The following LPAR6 variants were observed in gnomAD, a reference collection of about 807,000 sequenced individuals.
LPAR6 encodes the protein G-protein coupled purinergic receptor P2Y5.
Under a neutral mutation model 22.0 loss-of-function variants are expected in LPAR6, and 17 were observed. The observed-to-expected ratio is 0.77, with a 90% CI of 0.53 to 1.16. The LOEUF (loss-of-function observed/expected upper bound fraction) is 1.16, where lower values mean the gene tolerates loss of function less well. Ranked by LOEUF, LPAR6 falls within the 50% of genes most tolerant of loss-of-function variation. The probability of loss-of-function intolerance (pLI) is 0.00; values close to 1 mark genes in which losing one functional copy is unlikely to be tolerated. For missense variants in LPAR6, 384 were observed against 406.9 expected (o/e 0.94, Z 0.48); for synonymous variants, 136 against 139.8 (o/e 0.97, Z 0.19).
At chr13:48,408,681 A>G (rs1407333805), downstream of LPAR6, 2 of 152,142 alleles carry the variant, frequency 1.3e-5, no homozygotes, top group African/African-American at 2.4e-5. Flanking sequence ...CTTTTTTTCC[A>G]TAGTTCTAGA....
At chr13:48,439,652 A>G (rs983808622) in intron 1 of LPAR6, 1 of 152,146 alleles carries the variant, frequency 6.6e-6, no homozygotes, top group African/African-American at 2.4e-5. Context: ...AGAGAAACAA[A>G]AGTCTTCTGT....
chr13:48,408,280 T>C (rs944665228), downstream of LPAR6, among the ~76,000 whole-genome samples: 2 of 151,886 alleles, frequency 1.3e-5, no homozygotes, highest in Non-Finnish European at 2.9e-5. Context: ...AATACATATA[T>C]TTTTATGCTT....
intron 1 of LPAR6, among the ~76,000 whole-genome samples, chr13:48,392,402 C>T (rs1040549732): frequency 2.0e-5 from 3 of 152,192 alleles, no homozygotes; most frequent in Non-Finnish European, 4.4e-5. Flanking sequence ...TGAGCCACCA[C>T]GCCTGGCCTT....
intron 1 of LPAR6, among the ~76,000 whole-genome samples, chr13:48,392,108 G>T (rs979759928): frequency 6.6e-6 from 1 of 151,504 alleles, no homozygotes; most frequent in Admixed American, 6.6e-5. Context: ...GGTTTGCCTT[G>T]TTTCTTTTTT....
At chr13:48,408,545 A>G (rs1014302326), downstream of LPAR6, 4 of 152,174 alleles carry the variant, frequency 2.6e-5, no homozygotes, top group Non-Finnish European at 4.4e-5. Context: ...AAGTAAAATC[A>G]TCAGAGTTCT....
chr13:48,407,816 G>A (rs1420450761), downstream of LPAR6, among the ~76,000 whole-genome samples: 2 of 152,100 alleles, frequency 1.3e-5, no homozygotes, highest in Non-Finnish European at 2.9e-5. Flanking sequence ...CCTAAGCACT[G>A]TTTATAAAAT....
intron 1 of LPAR6, among the ~76,000 whole-genome samples, chr13:48,434,758 C>G (rs991300306): frequency 6.6e-6 from 1 of 152,204 alleles, no homozygotes; most frequent in Admixed American, 6.5e-5. Flanking sequence ...AACACCTGGC[C>G]ACTGCTAATC....
chr13:48,398,394 C>T (rs1336666179), intron 1 of LPAR6, among the ~76,000 whole-genome samples: 1 of 152,082 alleles, frequency 6.6e-6, no homozygotes, highest in Non-Finnish European at 1.5e-5. Context: ...AATTATTTAG[C>T]TTGTTCTAAA....
At chr13:48,402,556 C>A (rs1327348839) in intron 1 of LPAR6, among the ~76,000 whole-genome samples, 1 of 151,348 alleles carries the variant, frequency 6.6e-6, no homozygotes, top group East Asian at 1.9e-4. Flanking sequence ...TTTTTTTATT[C>A]TTTGTAGAGA....
At chr13:48,410,056 T>G (rs527467763), downstream of LPAR6, among the ~76,000 whole-genome samples, 11 of 152,326 alleles carry the variant, frequency 7.2e-5, no homozygotes, top group South Asian at 2.3e-3. Context: ...AGGAACTGTG[T>G]CCTTAATTAA....
chr13:48,409,350 C>G (rs1027336940), downstream of LPAR6, among the ~76,000 whole-genome samples: 1 of 151,710 alleles, frequency 6.6e-6, no homozygotes, highest in Non-Finnish European at 1.5e-5. Context: ...GTTTACCTGT[C>G]TAGCAAATGA....
At chr13:48,420,121 C>T (rs543577067) in intron 2 of LPAR6, among the ~76,000 whole-genome samples, 8 of 152,198 alleles carry the variant, frequency 5.3e-5, no homozygotes, top group East Asian at 3.9e-4. Context: ...TGATGAATAT[C>T]GACGTGAAAA....
intron 2 of LPAR6, among the ~76,000 whole-genome samples, chr13:48,421,111 T>C (rs926535075): frequency 5.3e-5 from 8 of 152,194 alleles, no homozygotes; most frequent in African/African-American, 1.9e-4. Context: ...GCTGGAGGCA[T>C]CATGCTACCT....
At chr13:48,440,793 A>G (rs2138305240) in intron 1 of LPAR6, among the ~76,000 whole-genome samples, 1 of 152,338 alleles carries the variant, frequency 6.6e-6, no homozygotes, top group East Asian at 1.9e-4. Flanking sequence ...TGTATTCATA[A>G]TAAATAGAAA....
At chr13:48,438,254 T>TATCTA (rs1171329686) in intron 1 of LPAR6, among the ~76,000 whole-genome samples, 3 of 152,186 alleles carry the variant, frequency 2.0e-5, no homozygotes, top group Non-Finnish European at 4.4e-5. Flanking sequence ...TTATCTAACT[T>TATCTA]AGTTGTCAAA....
chr13:48,430,945 A>T (rs113279432), upstream of LPAR6, among the ~76,000 whole-genome samples: 1 of 152,168 alleles, frequency 6.6e-6, no homozygotes, highest in African/African-American at 2.4e-5. Context: ...TATATTTAAA[A>T]ATAGCAGTAG....
rs4151577 is a variant in LPAR6, at chr13:48,442,326, G to A, written c.-1474+2227C>T. Among the ~76,000 whole-genome samples the A allele has an allele frequency of 8.3e-3, 1,265 of 151,948 alleles. 15 individuals carry two copies. Among genetic ancestry groups the A allele is most frequent in the African/African-American group, 0.029 (1,221 of 41,404 alleles). ...CGCCATTCTCCTTCCTCAGCCTCCC[G>A]AGTAGCTGGGACTACAGGCGCATGC... On this transcript the variant is annotated intron_variant, in intron 1 of 6. Coordinates refer to the LPAR6 transcript ENST00000378434.
chr13:48,426,218 C>T (rs1441727058), intron 1 of LPAR6, among the ~76,000 whole-genome samples: 1 of 152,064 alleles, frequency 6.6e-6, no homozygotes, highest in Non-Finnish European at 1.5e-5. Context: ...GAATGTAAAC[C>T]TCTAAAAAGA....
chr13:48,392,838 T>A lies in LPAR6; in HGVS notation n.115-3026A>T, dbSNP rs535099016. ...TTTTTTTGTTAGGTGCCAGATATCA[T>A]GAATTTTGCTTTAGTGGGTCCTGGA... On this transcript the variant is annotated intron_variant and non_coding_transcript_variant, in intron 1 of 1. Coordinates refer to the LPAR6 transcript ENST00000462781. Among the ~76,000 whole-genome samples, 5 of 152,254 alleles carry A rather than the reference T, an allele frequency of 3.3e-5. No homozygotes were observed. In the South Asian group the frequency reaches 1.0e-3, roughly 32 times the overall value.
Sources: allele counts gnomAD v4.1 joint callset (sites outside exome capture counted in the v4.1 genomes callset), GRCh38; gene constraint gnomAD v4.1.1; transcripts MANE v1.5; gene names NCBI Gene and HGNC (gene_info 2026-07-23, HGNC 2026-07-21).